The following LGR6 variants were observed in gnomAD, a reference collection of about 807,000 sequenced individuals.
The protein encoded by LGR6 is leucine rich repeat containing G protein-coupled receptor 6, also known as leucine-rich repeat-containing G protein-coupled receptor 6.
A neutral mutation model predicts 69.4 loss-of-function variants in LGR6; 45 were observed. That is an observed-to-expected ratio of 0.65 (90% confidence interval 0.51 to 0.83). LGR6 has a LOEUF of 0.83. Among genes scored for constraint, LGR6 ranks in the 40% least tolerant of loss-of-function variants. LGR6 has a pLI of 0.00. For missense variants in LGR6, 1,108 were observed against 1,246.7 expected, an observed-to-expected ratio of 0.89 and a Z score of 1.68; for synonymous variants, 538 against 555.0, an observed-to-expected ratio of 0.97 and a Z score of 0.43.
rs114250184 is a variant in LGR6 at position 202,305,025 on chromosome 1, C to T, written c.1070+395C>T. On this transcript the variant is annotated intron_variant, in intron 11 of 17. Coordinates refer to ENST00000367278, the MANE Select transcript of LGR6 (RefSeq NM_001017403.2). ...GAGGTACTTAAGTGGCCTCTGAAGT[C>T]AAGGGGAGTTTTCCTCTCTCCTTGG... 5.5e-3 allele frequency among the ~76,000 whole-genome samples: 843 copies of T among 152,226 alleles called. 10 individuals carry two copies. Among genetic ancestry groups the T allele is most frequent in the African/African-American group, 0.019 (804 of 41,542 alleles).
At chr1:202,286,919 A>G (rs1040448277) in intron 6 of LGR6, among the ~76,000 whole-genome samples, 1 of 151,980 alleles carries the variant, frequency 6.6e-6, no homozygotes, top group Non-Finnish European at 1.5e-5. Flanking sequence ...TGCTCCTGTC[A>G]TTGCTGCCTC....
At chr1:202,249,540 C>A (rs1250620458) in intron 4 of LGR6, among the ~76,000 whole-genome samples, 1 of 152,236 alleles carries the variant, frequency 6.6e-6, no homozygotes, top group Non-Finnish European at 1.5e-5. Flanking sequence ...CTATTGGAAT[C>A]TCCACTTGCA....
In LGR6 at chr1:202,213,793, A is replaced by C. The variant is rs543961847; in HGVS notation, c.213-11630A>C. On this transcript the variant is annotated intron_variant, in intron 1 of 17. Coordinates refer to ENST00000367278, the MANE Select transcript of LGR6 (RefSeq NM_001017403.2). ...AGAGGAAAGGAACTAGTCCAATATC[A>C]AACAACTGCTAAGTGTTAGGGCCAA... Among the ~76,000 whole-genome samples the C allele has an allele frequency of 2.0e-5, 3 of 152,266 alleles. No homozygotes were observed. The South Asian group carries it at 6.2e-4, about 32-fold the overall frequency.
Position 202,264,855 on chromosome 1 carries a change from C to T in LGR6, c.429-11451C>T, listed in dbSNP as rs146556940. On this transcript the variant is annotated intron_variant, in intron 4 of 17. Transcript: ENST00000367278. ...AGGAAGCACTTTCTCTGCCCGCCCCCGCCACCACCCCAGGGGTTCTTGCAC... is the reference window on the plus strand; with the variant it reads ...AGGAAGCACTTTCTCTGCCCGCCCCTGCCACCACCCCAGGGGTTCTTGCAC... 3.0e-3 allele frequency among the ~76,000 whole-genome samples: 454 copies of T among 152,196 alleles called. 3 individuals are homozygous for T. The highest frequency in any genetic ancestry group is 0.01 in the African/African-American group (423 of 41,502).
In LGR6 at chr1:202,236,111, G is replaced by A. The variant is rs887407835; in HGVS notation, c.428+118G>A. 45 of 766,012 alleles carry A rather than the reference G, an allele frequency of 5.9e-5. 1 individual carries two copies. The highest frequency in any genetic ancestry group is 3.5e-4 in the Middle Eastern group (1 of 2,866). 47.5% of individuals were successfully genotyped at this position (766,012 alleles called of 1,614,324 possible). A position where few individuals can be genotyped will look rare whatever the true frequency, so the allele number is the denominator to read the frequency against. On this transcript the variant is annotated intron_variant, in intron 4 of 17. Transcript: ENST00000367278. Reference sequence around the variant, plus strand: ...GCAGGCGCCCCCTCTCCCAGTCCACGTTCCAGACAGCATGCCGCTCCTGGC... The same window carrying A: ...GCAGGCGCCCCCTCTCCCAGTCCACATTCCAGACAGCATGCCGCTCCTGGC...
chr1:202,206,888 A>ATTTT (rs959340246), intron 1 of LGR6, among the ~76,000 whole-genome samples: 7 of 134,908 alleles, frequency 5.2e-5, no homozygotes, highest in South Asian at 2.5e-4. Context: ...GCTGCAAATT[A>ATTTT]TTTTATTTAT....
At chr1:202,290,586 A>G (rs1378684849) in intron 6 of LGR6, among the ~76,000 whole-genome samples, 2 of 152,170 alleles carry the variant, frequency 1.3e-5, no homozygotes, top group African/African-American at 2.4e-5. Context: ...AATAAAAAAA[A>G]GGGGGGCCAG....
At chr1:202,228,362 G>A (rs1269584400) in intron 3 of LGR6, among the ~76,000 whole-genome samples, 1 of 152,260 alleles carries the variant, frequency 6.6e-6, no homozygotes, top group Middle Eastern at 3.4e-3. Context: ...AGACGGATAA[G>A]ACTGTTTCTG....
At position 202,304,644 on chromosome 1, in the gene LGR6, A is replaced by C. The variant is rs1307192179; in HGVS notation, c.1070+14A>C. 1 of 1,599,430 alleles carries C rather than the reference A, an allele frequency of 6.3e-7. No homozygotes were observed. Among genetic ancestry groups the C allele is most frequent in the Admixed American group, 1.7e-5 (1 of 59,906 alleles). On this transcript the variant is annotated intron_variant, in intron 11 of 17. Coordinates refer to ENST00000367278, the MANE Select transcript of LGR6 (RefSeq NM_001017403.2). ...GCTCCGAGTCCTGTGAGTGCTCACA[A>C]GAATTCTACAGTCTTGGCATTGTGC...
intron 3 of LGR6, among the ~76,000 whole-genome samples, chr1:202,230,260 C>T (rs866691630): frequency 6.6e-6 from 1 of 152,146 alleles, no homozygotes; most frequent in Non-Finnish European, 1.5e-5. Context: ...CACACCCCCC[C>T]ACACCCCCAC....
Position 202,309,129 on chromosome 1 carries a change from C to A in LGR6, c.1359C>A (p.Asn453Lys), listed in dbSNP as rs542537452. 8.7e-6 allele frequency: 14 copies of A among 1,614,140 alleles called. No homozygotes were observed. Among genetic ancestry groups the A allele is most frequent in the East Asian group, 2.2e-5 (1 of 44,874 alleles). Residue 453 changes from asparagine (N) to lysine (K), a missense_variant, in exon 15 of 18, where the codon AAC becomes AAA. Coordinates refer to ENST00000367278, the MANE Select transcript of LGR6 (RefSeq NM_001017403.2). Reference sequence around the variant, plus strand: ...TGATGCATCTGAAGCTCAAAGGGAACCTTGCTCTCTCCCAGGCCTTCTCCA... The same window carrying A: ...TGATGCATCTGAAGCTCAAAGGGAAACTTGCTCTCTCCCAGGCCTTCTCCA... ...GGLMHLKLKGNLALSQAFSKD... is the reference protein window; with the variant it reads ...GGLMHLKLKGKLALSQAFSKD...
chr1:202,203,407 C>G (rs947595738), intron 1 of LGR6, among the ~76,000 whole-genome samples: 1 of 152,190 alleles, frequency 6.6e-6, no homozygotes, highest in East Asian at 1.9e-4. Context: ...ATGTAAGCCC[C>G]GGTTGCCATC....
At chr1:202,205,050 C>T (rs1659083129) in intron 1 of LGR6, among the ~76,000 whole-genome samples, 1 of 122,186 alleles carries the variant, frequency 8.2e-6, no homozygotes, top group African/African-American at 3.3e-5. Context: ...ACACACACCT[C>T]CAAACACACA....
intron 16 of LGR6, 71 bp from the exon 17 acceptor site, chr1:202,314,731 C>A: frequency 1.9e-6 from 2 of 1,028,654 alleles, no homozygotes; most frequent in Non-Finnish European, 3.1e-6. Flanking sequence ...AAGGAGGGGG[C>A]ATTTGGAGAA....
chr1:202,286,072 G>A (rs1180194005), intron 6 of LGR6, among the ~76,000 whole-genome samples: 2 of 152,122 alleles, frequency 1.3e-5, no homozygotes, highest in Non-Finnish European at 2.9e-5. Flanking sequence ...TTTGCCATTG[G>A]ATTTGGGGCC....
In LGR6 at chr1:202,242,480, T is replaced by C. The variant is rs1030876410; in HGVS notation, c.428+6487T>C. Among the ~76,000 whole-genome samples, 7 of 152,304 alleles carry C rather than the reference T, an allele frequency of 4.6e-5. No individual in the cohort carries two copies. In the South Asian group the frequency reaches 1.5e-3, roughly 32 times the overall value. ...AAAATGAGAGAGTCCAGTGGGATGA[T>C]TGGCAGACAGATGTCCCGAGTGAAT... is the stretch of plus-strand genomic sequence containing the variant. On this transcript the variant is annotated intron_variant, in intron 4 of 17. Transcript: ENST00000367278.
intron 9 of LGR6, among the ~76,000 whole-genome samples, chr1:202,302,182 G>A (rs1455958659): frequency 6.6e-6 from 1 of 152,212 alleles, no homozygotes; most frequent in Admixed American, 6.5e-5. Context: ...ATGGATTGCT[G>A]TCAGCCTACT....
chr1:202,263,661 G>A (rs939554777), intron 4 of LGR6, among the ~76,000 whole-genome samples: 1 of 152,128 alleles, frequency 6.6e-6, no homozygotes, highest in African/African-American at 2.4e-5. Context: ...GTATAGGAGG[G>A]AACAGCACCA....
rs1571813292 is a variant in LGR6 at position 202,208,033 on chromosome 1, G to T, written c.212+13832G>T. On this transcript the variant is annotated intron_variant, in intron 1 of 17. Transcript: ENST00000367278. ...TCCTACCACTGACCTGCAGAGCCCTGCTGGCTCAGCCTCTCCCTCCAATCT... is the reference window on the plus strand; with the variant it reads ...TCCTACCACTGACCTGCAGAGCCCTTCTGGCTCAGCCTCTCCCTCCAATCT... Among the ~76,000 whole-genome samples the T allele has an allele frequency of 4.6e-5, 7 of 152,252 alleles. No homozygotes were observed. In the South Asian group the frequency reaches 1.4e-3, roughly 32 times the overall value.
Sources: gnomAD v4.1 joint callset for allele counts (sites outside exome capture counted in the v4.1 genomes callset) on GRCh38, gnomAD v4.1.1 for gene constraint, MANE v1.5 for transcripts, NCBI Gene and HGNC (gene_info 2026-07-23, HGNC 2026-07-21) for gene names.